Variants in SERPINB5 observed in about 807,000 individuals in gnomAD.
The protein encoded by SERPINB5 is serpin family B member 5.
In SERPINB5, 27 loss-of-function variants were observed where a neutral mutation model predicts 32.2. That is an observed-to-expected ratio of 0.84 (90% CI 0.62 to 1.16). The LOEUF is 1.16. Among genes scored for constraint, SERPINB5 ranks in the 50% most tolerant of loss-of-function variants. SERPINB5 has a pLI of 0.00. For missense variants in SERPINB5, 388 were observed against 436.3 expected (o/e 0.89, Z 0.99); for synonymous variants, 154 against 157.4 (o/e 0.98, Z 0.16).
At chr18:63,486,786 C>T (rs1372214840) in intron 2 of SERPINB5, 160 bp from the exon 3 acceptor site, 16 of 657,020 alleles carry the variant, frequency 2.4e-5, no homozygotes, top group Non-Finnish European at 4.2e-5. Context: ...ACTCATCCAG[C>T]CTGAATGTCA....
intron 5 of SERPINB5, chr18:63,497,223 T>G (rs202234638): frequency 4.5e-5 from 33 of 733,840 alleles, no homozygotes; most frequent in Admixed American, 4.4e-4. Context: ...ACACAGTTGG[T>G]GTGGTTGGTT....
At chr18:63,482,423 C>T (rs1250181921) in intron 1 of SERPINB5, among the ~76,000 whole-genome samples, 1 of 152,172 alleles carries the variant, frequency 6.6e-6, no homozygotes, top group Non-Finnish European at 1.5e-5. Context: ...TGTGTGTGTG[C>T]GCCTGAGGCT....
intron 4 of SERPINB5, among the ~76,000 whole-genome samples, chr18:63,492,271 GC>G (rs1202887366): frequency 6.6e-6 from 1 of 152,210 alleles, no homozygotes. Context: ...CAATCAGCCT[GC>G]CCGCAAGGAG....
intron 5 of SERPINB5, 106 bp downstream of exon 5, chr18:63,493,201 C>T (rs779693499): frequency 6.0e-6 from 9 of 1,489,100 alleles, no homozygotes; most frequent in East Asian, 2.3e-5. Flanking sequence ...CCTGAGGGCA[C>T]GGCCGGCAAA....
intron 4 of SERPINB5, among the ~76,000 whole-genome samples, chr18:63,491,226 AC>A (rs530539461): frequency 1.9e-3 from 286 of 151,822 alleles, no homozygotes; most frequent in African/African-American, 6.4e-3. Context: ...ACATGGTGAA[AC>A]CCCGTCTCTA....
intron 4 of SERPINB5, among the ~76,000 whole-genome samples, chr18:63,491,607 T>TG (rs1909340779): frequency 6.6e-6 from 1 of 151,564 alleles, no homozygotes; most frequent in African/African-American, 2.4e-5. Context: ...CCCAAGTAGC[T>TG]GGGGCTACAG....
Position 63,493,066 on chromosome 18 carries a change from A to G in SERPINB5, c.538A>G (p.Thr180Ala). Residue 180 changes from threonine (T) to alanine (A), a missense_variant, in exon 5 of 7, where the codon ACA becomes GCA. Coordinates refer to ENST00000382771, the MANE Select transcript of SERPINB5 (RefSeq NM_002639.5). ...KWMKKFSESE[T>A]KECPFRVNKT... ...GATGAAGAAATTTTCTGAATCAGAA[A>G]CAAAAGAATGTCCTTTCAGAGTCAA... 6.2e-7 allele frequency: 1 copy of G among 1,614,242 alleles called. No homozygotes were observed.
chr18:63,499,425 C>A, intron 6 of SERPINB5, 138 bp downstream of exon 6: 1 of 656,078 alleles, frequency 1.5e-6, no homozygotes, highest in Non-Finnish European at 2.3e-6. Flanking sequence ...TCCAAGGACC[C>A]ATGGTTCTTT....
At chr18:63,500,759 A>G (rs1453260276) in intron 6 of SERPINB5, among the ~76,000 whole-genome samples, 1 of 152,090 alleles carries the variant, frequency 6.6e-6, no homozygotes, top group Non-Finnish European at 1.5e-5. Context: ...ATATATCCAC[A>G]TGGGCCTCAG....
At chr18:63,493,259 G>C (rs1441226787) in intron 5 of SERPINB5, 164 bp downstream of exon 5, 3 of 842,100 alleles carry the variant, frequency 3.6e-6, no homozygotes, top group Admixed American at 4.1e-5. Flanking sequence ...TACAAAAAGA[G>C]CCAGAATCCA....
chr18:63,503,880 G>A lies in SERPINB5; in HGVS notation c.*158G>A, dbSNP rs1909624445. 2 of 620,862 alleles carry A rather than the reference G, an allele frequency of 3.2e-6. No individual in the cohort carries two copies. Among genetic ancestry groups the A allele is most frequent in the South Asian group, 4.2e-5 (2 of 47,540 alleles). 38.5% of individuals were successfully genotyped at this position (620,862 alleles called of 1,614,324 possible). A position where few individuals can be genotyped will look rare whatever the true frequency, so the allele number is the denominator to read the frequency against. On this transcript the variant is annotated 3_prime_UTR_variant, in exon 7 of 7. Transcript: ENST00000382771. ...GTCATATGTAGCCTTCACACAGATA[G>A]ACCTTTTTTTTTTTTCCAATTCTAT...
chr18:63,480,295 G>A (rs1159033809), intron 1 of SERPINB5, among the ~76,000 whole-genome samples: 1 of 152,178 alleles, frequency 6.6e-6, no homozygotes, highest in African/African-American at 2.4e-5. Context: ...ACTTTCCTAT[G>A]GTTAAAATAA....
At chr18:63,481,195 C>T (rs1004913319) in intron 1 of SERPINB5, among the ~76,000 whole-genome samples, 1 of 152,144 alleles carries the variant, frequency 6.6e-6, no homozygotes, top group Non-Finnish European at 1.5e-5. Context: ...ATCTTGTATC[C>T]ACAATCATTT....
chr18:63,503,726 G>A lies in SERPINB5; in HGVS notation c.*4G>A, dbSNP rs1298099846. On this transcript the variant is annotated 3_prime_UTR_variant, in exon 7 of 7. Coordinates refer to ENST00000382771, the MANE Select transcript of SERPINB5 (RefSeq NM_002639.5). ...TGGCAAATTCTGTTCTCCTTAAGTG[G>A]CATAGCCCATGTTAAGTCCTCCCTG... 6.2e-7 allele frequency: 1 copy of A among 1,613,506 alleles called. No homozygotes were observed. Among genetic ancestry groups the A allele is most frequent in the Non-Finnish European group, 8.5e-7 (1 of 1,179,864 alleles).
At position 63,492,969 on chromosome 18, in the gene SERPINB5, T is replaced by A; in HGVS notation, c.441T>A (p.Ile147=). ...TTGTTGCAGGCCACTTTGAGAACAT[T>A]TTAGCTGACAACAGTGTGAACGACC... The part of the protein sequence containing the change: ...KDLTDGHFEN[I]LADNSVNDQT... Residue 147 remains isoleucine (I), a synonymous_variant, in exon 5 of 7, where the codon ATT becomes ATA. Coordinates refer to ENST00000382771, the MANE Select transcript of SERPINB5 (RefSeq NM_002639.5). The A allele has an allele frequency of 6.2e-7, 1 of 1,612,034 alleles. No individual in the cohort carries two copies. Among genetic ancestry groups the A allele is most frequent in the Non-Finnish European group, 8.5e-7 (1 of 1,178,738 alleles).
rs912776360 is a variant in SERPINB5 at position 63,495,367 on chromosome 18, T to TG, written c.567+2273dup. 2.0e-5 allele frequency among the ~76,000 whole-genome samples: 3 copies of TG among 152,036 alleles called. No homozygotes were observed. In the Admixed American group the frequency reaches 2.0e-4, roughly 10 times the overall value. On this transcript the variant is annotated intron_variant, in intron 5 of 6. Transcript: ENST00000382771. ...GCCTCTACTGTGAGTTAGGGAGGGG[T>TG]GTTGGCCCCACTGGCCCTGACGGCA...
In SERPINB5 at chr18:63,499,313, C is replaced by T. The variant is rs775600931; in HGVS notation, c.735+26C>T. On this transcript the variant is annotated intron_variant, in intron 6 of 6. Coordinates refer to ENST00000382771, the MANE Select transcript of SERPINB5 (RefSeq NM_002639.5). ...GTAAGGAGAAGGCAGGTGCTCTCCA[C>T]AAAGGCACCCCCTGCCTTGGCAAAG... 3 of 1,479,372 alleles carry T rather than the reference C, an allele frequency of 2.0e-6. No individual in the cohort carries two copies. In the East Asian group the frequency reaches 7.8e-5, roughly 38 times the overall value. The allele number at this position is 1,479,372 out of a possible 1,614,324, so 91.6% of individuals were successfully genotyped here.
rs1251600924 is a variant in SERPINB5, at chr18:63,498,698, T to A, written c.568-422T>A. The stretch of plus-strand genomic sequence containing the variant: ...GCAATACAGTTTGGATCTGAGTGGA[T>A]GATGAATTATAAGCCATAATAATCT... On this transcript the variant is annotated intron_variant, in intron 5 of 6. Coordinates refer to ENST00000382771, the MANE Select transcript of SERPINB5 (RefSeq NM_002639.5). The surrounding 1 kb of genome is among the most constrained non-coding windows in gnomAD (Gnocchi z 4.2). Among the ~76,000 whole-genome samples, 5 of 152,126 alleles carry A rather than the reference T, an allele frequency of 3.3e-5. No individual in the cohort carries two copies. Among genetic ancestry groups the A allele is most frequent in the Admixed American group, 2.6e-4 (4 of 15,272 alleles).
chr18:63,485,734 T>C (rs1446310343), intron 2 of SERPINB5: 1 of 152,498 alleles, frequency 6.6e-6, no homozygotes, highest in African/African-American at 2.4e-5. Context: ...TCCCCAGCAG[T>C]AGTTACCTGG....
Sources: gnomAD v4.1 joint callset for allele counts (sites outside exome capture counted in the v4.1 genomes callset) on GRCh38, gnomAD v4.1.1 for gene constraint, Gnocchi (gnomAD v3.1) non-coding constraint, MANE v1.5 for transcripts, NCBI Gene and HGNC (gene_info 2026-07-23, HGNC 2026-07-21) for gene names.